GRAMD1B: variants seen among roughly 807,000 people sequenced by gnomAD.
GRAMD1B encodes protein Aster-B.
Under a neutral mutation model 99.7 loss-of-function variants are expected in GRAMD1B, and 37 were observed. That is an observed-to-expected ratio of 0.37 (90% CI 0.29 to 0.49). The LOEUF (loss-of-function observed/expected upper bound fraction) is 0.49. GRAMD1B is among the 20% of genes least tolerant of loss of function. The pLI, the probability that GRAMD1B is intolerant of heterozygous loss-of-function variation, is 0.98. For missense variants in GRAMD1B, 888 were observed against 1,009.2 expected (o/e 0.88, Z 1.63); for synonymous variants, 427 against 387.6 (o/e 1.10, Z -1.19).
chr11:123,371,052 G>A, intron 1 of GRAMD1B, among the ~76,000 whole-genome samples: 1 of 132,422 alleles, frequency 7.6e-6, no homozygotes, highest in African/African-American at 2.8e-5. Flanking sequence ...ATGGATTGCA[G>A]ATTGAGATCT....
In GRAMD1B at chr11:123,619,222, C is replaced by G; in HGVS notation, c.2542C>G (p.Gln848Glu). ...IIKSSVMLLD[Q>E]MKDSLINLQN... ...CAAATCCTCAGTGATGCTCCTTGAC[C>G]AGGTGAGATGCCCCACCTTCTCTGC... The change falls in exon 19 of 20, where the codon CAG becomes GAG. Residue 848 changes from glutamine (Q) to glutamate (E), a missense_variant and splice_region_variant. Gln to Glu is a conservative substitution (Grantham distance 29). This residue lies in a region of GRAMD1B where 232 missense variants were observed against 261.7 expected (regional missense o/e 0.89). Coordinates refer to ENST00000635736, the MANE Select transcript of GRAMD1B (RefSeq NM_001387025.1). 1 of 1,555,206 alleles carries G rather than the reference C, an allele frequency of 6.4e-7. No homozygotes were observed.
chr11:123,487,445 G>A (rs1423478368), intron 2 of GRAMD1B, among the ~76,000 whole-genome samples: 1 of 152,164 alleles, frequency 6.6e-6, no homozygotes, highest in Non-Finnish European at 1.5e-5. Context: ...ATACTTCAGT[G>A]TTGCTGCAGC....
intron 1 of GRAMD1B, among the ~76,000 whole-genome samples, chr11:123,478,931 C>T (rs898189445): frequency 3.3e-5 from 5 of 152,172 alleles, no homozygotes; most frequent in African/African-American, 1.2e-4. Context: ...ACACTTGTCC[C>T]AGGTTGTATA....
intron 1 of GRAMD1B, among the ~76,000 whole-genome samples, chr11:123,393,480 G>A (rs1008207878): frequency 6.6e-6 from 1 of 152,208 alleles, no homozygotes; most frequent in African/African-American, 2.4e-5. Context: ...GCAGTCATTT[G>A]AAGCATTGAC....
chr11:123,527,353 C>T (rs1036337557), intron 2 of GRAMD1B, among the ~76,000 whole-genome samples: 1 of 152,182 alleles, frequency 6.6e-6, no homozygotes, highest in East Asian at 1.9e-4. Flanking sequence ...CAGCCCTCCT[C>T]CTGTAGGGAA....
At chr11:123,456,932 A>AAG (rs1383085553) in intron 1 of GRAMD1B, among the ~76,000 whole-genome samples, 2 of 149,182 alleles carry the variant, frequency 1.3e-5, no homozygotes, top group African/African-American at 2.5e-5. Context: ...AAAAAAAAAA[A>AAG]AAAAAGAAAA....
chr11:123,469,723 CTTT>C (rs901354333), intron 1 of GRAMD1B, among the ~76,000 whole-genome samples: 1 of 149,248 alleles, frequency 6.7e-6, no homozygotes, highest in African/African-American at 2.5e-5. Flanking sequence ...TTCTTTCTTT[CTTT>C]TTTTCTTTCT....
intron 10 of GRAMD1B, among the ~76,000 whole-genome samples, 179 bp downstream of exon 10, chr11:123,605,657 G>A (rs1187971827): frequency 1.3e-5 from 2 of 152,172 alleles, no homozygotes; most frequent in Non-Finnish European, 2.9e-5. Context: ...GGCATAGCCC[G>A]GGGTCCAGAG....
intron 12 of GRAMD1B, 23 bp downstream of exon 12, chr11:123,608,825 C>T: frequency 7.1e-7 from 1 of 1,408,898 alleles, no homozygotes; most frequent in Non-Finnish European, 9.7e-7. Flanking sequence ...GGGACTGTAC[C>T]CCCCATTCCT....
intron 1 of GRAMD1B, among the ~76,000 whole-genome samples, chr11:123,403,744 A>G (rs1346472226): frequency 6.6e-6 from 1 of 151,782 alleles, no homozygotes; most frequent in Non-Finnish European, 1.5e-5. Context: ...GGGTTTCGCT[A>G]CGTTGGTGAG....
chr11:123,392,904 G>A (rs975275539), intron 1 of GRAMD1B, among the ~76,000 whole-genome samples: 3 of 152,078 alleles, frequency 2.0e-5, no homozygotes, highest in South Asian at 4.2e-4. Context: ...ATTTTTAGAC[G>A]TTTTACTTCA....
At chr11:123,471,116 G>T (rs1394299586) in intron 1 of GRAMD1B, among the ~76,000 whole-genome samples, 1 of 152,184 alleles carries the variant, frequency 6.6e-6, no homozygotes, top group Admixed American at 6.5e-5. Flanking sequence ...AGTGTGATAA[G>T]ATCTCACAAA....
chr11:123,397,653 C>T (rs550337388), intron 1 of GRAMD1B, among the ~76,000 whole-genome samples: 11 of 152,134 alleles, frequency 7.2e-5, no homozygotes, highest in South Asian at 2.1e-4. Flanking sequence ...CAGAGTGTGC[C>T]GCCACATCTG....
chr11:123,422,642 A>G (rs7126829), intron 1 of GRAMD1B, among the ~76,000 whole-genome samples: 29,713 of 152,160 alleles, frequency 0.2, 3,258 homozygotes, highest in Admixed American at 0.3. Flanking sequence ...TTGGAATTCC[A>G]ATAACACACC....
chr11:123,518,209 C>T (rs1014487032), intron 2 of GRAMD1B, among the ~76,000 whole-genome samples: 2 of 152,132 alleles, frequency 1.3e-5, no homozygotes, highest in Non-Finnish European at 1.5e-5. Flanking sequence ...GAAGGGGTCT[C>T]GTGATCCGGG....
intron 2 of GRAMD1B, among the ~76,000 whole-genome samples, chr11:123,554,791 G>T (rs907208628): frequency 2.2e-4 from 34 of 152,194 alleles, no homozygotes; most frequent in South Asian, 6.2e-4. Flanking sequence ...GATGCCTCTT[G>T]TTATAACAGA....
Position 123,409,248 on chromosome 11 carries a change from C to T in GRAMD1B, c.-176+50449C>T, listed in dbSNP as rs143238629. Among the ~76,000 whole-genome samples, 216 of 152,306 alleles carry T rather than the reference C, an allele frequency of 1.4e-3. 1 individual carries two copies. Among genetic ancestry groups the T allele is most frequent in the African/African-American group, 5.1e-3 (212 of 41,574 alleles). On this transcript the variant is annotated intron_variant, in intron 1 of 20. Coordinates refer to the GRAMD1B transcript ENST00000638157. ...CCTGCCTTTGCCTCTTACTATGCGA[C>T]TCATGCAAATTGTATAATTTCTCTG...
At position 123,623,318 on chromosome 11, in the gene GRAMD1B, T is replaced by A. The variant is rs562555107; in HGVS notation, c.*723T>A. On this transcript the variant is annotated 3_prime_UTR_variant, in exon 20 of 20. Transcript: ENST00000635736. ...AGTAAGGGCTGGGAATTTCTTACTT[T>A]CCCACCCGCTTTCTCTCTGGTCTTC... 9 of 152,098 alleles carry A rather than the reference T, an allele frequency of 5.9e-5. No homozygotes were observed. Among genetic ancestry groups the A allele is most frequent in the African/African-American group, 2.2e-4 (9 of 41,338 alleles). 9.4% of individuals were successfully genotyped at this position (152,098 alleles called of 1,614,324 possible).
chr11:123,477,447 C>T (rs1951344857), intron 1 of GRAMD1B, among the ~76,000 whole-genome samples: 2 of 151,654 alleles, frequency 1.3e-5, no homozygotes, highest in Admixed American at 1.3e-4. Context: ...GAATGGCAAA[C>T]AGTTGCTTAT....
Sources: allele counts gnomAD v4.1 joint callset (sites outside exome capture counted in the v4.1 genomes callset), GRCh38; gene constraint gnomAD v4.1.1; regional missense constraint gnomAD v4.1.1; transcripts MANE v1.5; gene names NCBI Gene and HGNC (gene_info 2026-07-23, HGNC 2026-07-21).